The following ZNF626 variants were observed in gnomAD, a reference collection of about 807,000 sequenced individuals.
ZNF626 encodes the protein CTC-513N18.7.
A neutral mutation model predicts 11.7 loss-of-function variants in ZNF626; 4 were observed. That is an observed-to-expected ratio of 0.34 (90% CI 0.17 to 0.78). ZNF626 has a LOEUF of 0.78. Ranked by LOEUF, ZNF626 falls within the 30% of genes least tolerant of loss-of-function variation. The probability of loss-of-function intolerance (pLI) is 0.57; values close to 1 mark genes in which losing one functional copy is unlikely to be tolerated. For synonymous variants in ZNF626, 179 were observed against 198.6 expected (o/e 0.90, Z 0.83); for missense variants, 588 against 587.1 (o/e 1.00, Z -0.01).
Position 20,661,562 on chromosome 19 carries a change from A to C in ZNF626, c.-116T>G. 1 of 1,233,082 alleles carries C rather than the reference A, an allele frequency of 8.1e-7. No individual in the cohort carries two copies. Among genetic ancestry groups the C allele is most frequent in the Non-Finnish European group, 1.2e-6 (1 of 866,540 alleles). 76.4% of individuals were successfully genotyped at this position (1,233,082 alleles called of 1,614,324 possible). A position where few individuals can be genotyped will look rare whatever the true frequency, so the allele number is the denominator to read the frequency against. On this transcript the variant is annotated 5_prime_UTR_variant, in exon 1 of 4. Transcript: ENST00000601440. ...GAACCAGACCTGGAGCTCTGACTGC[A>C]GCGAGAGACAAAGGCCGCACCAAAC...
chr19:20,627,382 T>C (rs1291766848), intron 3 of ZNF626, among the ~76,000 whole-genome samples: 2 of 152,092 alleles, frequency 1.3e-5, no homozygotes, highest in East Asian at 1.9e-4. Flanking sequence ...AATATATTGT[T>C]GGATCTTTTA....
At chr19:20,634,670 A>G (rs1555770762) in intron 3 of ZNF626, among the ~76,000 whole-genome samples, 1 of 152,204 alleles carries the variant, frequency 6.6e-6, no homozygotes, top group Non-Finnish European at 1.5e-5. Context: ...AAAAAGGAGT[A>G]ATATTGTGAA....
At chr19:20,660,791 C>T (rs1432849648) in intron 1 of ZNF626, among the ~76,000 whole-genome samples, 1 of 152,144 alleles carries the variant, frequency 6.6e-6, no homozygotes, top group Non-Finnish European at 1.5e-5. Flanking sequence ...GATCAGACCG[C>T]ACAATCTAAG....
chr19:20,633,619 C>T (rs969776065), intron 3 of ZNF626, among the ~76,000 whole-genome samples: 11 of 152,102 alleles, frequency 7.2e-5, no homozygotes, highest in Admixed American at 2.0e-4. Flanking sequence ...CCTGGTGTGC[C>T]GTTTTTTAAG....
chr19:20,655,095 G>C (rs1026207268), intron 1 of ZNF626, among the ~76,000 whole-genome samples: 3 of 137,356 alleles, frequency 2.2e-5, no homozygotes, highest in Non-Finnish European at 4.6e-5. Context: ...CTCGGCAACA[G>C]AGTGAGACTG....
chr19:20,627,710 T>C (rs1348327432), intron 3 of ZNF626, among the ~76,000 whole-genome samples: 2 of 152,144 alleles, frequency 1.3e-5, no homozygotes, highest in Non-Finnish European at 2.9e-5. Context: ...AGGAGTCAGT[T>C]GAGATCTACT....
Position 20,661,559 on chromosome 19 carries a change from T to C in ZNF626, c.-113A>G. Reference sequence around the variant, plus strand: ...GAAGAACCAGACCTGGAGCTCTGACTGCAGCGAGAGACAAAGGCCGCACCA... The same window carrying C: ...GAAGAACCAGACCTGGAGCTCTGACCGCAGCGAGAGACAAAGGCCGCACCA... On this transcript the variant is annotated 5_prime_UTR_variant, in exon 1 of 4. Transcript: ENST00000601440. 7.9e-7 allele frequency: 1 copy of C among 1,262,950 alleles called. No individual in the cohort carries two copies. The highest frequency in any genetic ancestry group is 1.1e-6 in the Non-Finnish European group (1 of 892,874). 78.2% of individuals were successfully genotyped at this position (1,262,950 alleles called of 1,614,324 possible). A position where few individuals can be genotyped will look rare whatever the true frequency, so the allele number is the denominator to read the frequency against.
intron 1 of ZNF626, 77 bp from the exon 2 acceptor site, chr19:20,646,482 A>G: frequency 6.2e-7 from 1 of 1,608,226 alleles, no homozygotes; most frequent in Non-Finnish European, 8.5e-7. Flanking sequence ...GTGAAATAAG[A>G]GAGTAAAGAG....
intron 3 of ZNF626, among the ~76,000 whole-genome samples, chr19:20,629,274 T>TG (rs1969875579): frequency 6.6e-6 from 1 of 151,910 alleles, no homozygotes; most frequent in Admixed American, 6.6e-5. Context: ...GGGCTCTTTT[T>TG]GGTTTCATAT....
intron 3 of ZNF626, among the ~76,000 whole-genome samples, chr19:20,643,639 ATTTTCATATCCCC>A (rs1258076601): frequency 6.6e-6 from 1 of 152,088 alleles, no homozygotes; most frequent in Non-Finnish European, 1.5e-5. Context: ...AAAGTGCTCT[ATTTTCATATCCCC>A]TTATAGCAAA....
chr19:20,649,760 G>T (rs1970125092), intron 1 of ZNF626, among the ~76,000 whole-genome samples: 1 of 152,226 alleles, frequency 6.6e-6, no homozygotes, highest in African/African-American at 2.4e-5. Flanking sequence ...GACTCTGGAG[G>T]TTTGAAAAGG....
rs1969817312 is a variant in ZNF626, at chr19:20,625,475, G to A, written c.402C>T (p.Asn134=). The A allele has an allele frequency of 6.2e-7, 1 of 1,613,884 alleles. No homozygotes were observed. The highest frequency in any genetic ancestry group is 1.3e-5 in the African/African-American group (1 of 74,888). Reference sequence around the variant, plus strand: ...TTCTTGGGGTAGTTGTCAAACATTGGTTAAGTTCATTATAACCTTCTTTGT... The same window carrying A: ...TTCTTGGGGTAGTTGTCAAACATTGATTAAGTTCATTATAACCTTCTTTGT... ...KVHKEGYNEL[N]QCLTTTPRKI... The change falls in exon 4 of 4, where the codon AAC becomes AAT. Residue 134 remains asparagine (N), a synonymous_variant. Coordinates refer to ENST00000601440, the MANE Select transcript of ZNF626 (RefSeq NM_001076675.3).
chr19:20,645,398 A>C, intron 3 of ZNF626: 1 of 1,610,234 alleles, frequency 6.2e-7, no homozygotes, highest in Non-Finnish European at 8.5e-7. Flanking sequence ...GCAGTCTCTT[A>C]TATGTCATGA....
chr19:20,630,093 G>C (rs368339291), intron 3 of ZNF626, among the ~76,000 whole-genome samples: 1 of 152,112 alleles, frequency 6.6e-6, no homozygotes, highest in Admixed American at 6.6e-5. Context: ...ATTGATTTGC[G>C]TATGTCGAAC....
chr19:20,641,127 C>A (rs1320315440), intron 3 of ZNF626, among the ~76,000 whole-genome samples: 2 of 121,748 alleles, frequency 1.6e-5, no homozygotes, highest in Non-Finnish European at 1.6e-5. Context: ...CAGAGTGAGA[C>A]TCCATCTCAA....
chr19:20,636,560 A>T (rs189184805), intron 3 of ZNF626, among the ~76,000 whole-genome samples: 1,691 of 146,170 alleles, frequency 0.012, 31 homozygotes, highest in African/African-American at 0.04. Flanking sequence ...TTGAAGATTT[A>T]AAAAAAAAAA....
chr19:20,632,945 A>G (rs1555770510), intron 3 of ZNF626, among the ~76,000 whole-genome samples: 1 of 151,842 alleles, frequency 6.6e-6, no homozygotes, highest in African/African-American at 2.4e-5. Context: ...GATGATGGTG[A>G]TGTACAGATG....
At chr19:20,649,449 A>C (rs782472158) in intron 1 of ZNF626, among the ~76,000 whole-genome samples, 8 of 152,150 alleles carry the variant, frequency 5.3e-5, no homozygotes, top group Admixed American at 5.2e-4. Context: ...TACCAAACGC[A>C]AACAGAACAG....
intron 3 of ZNF626, among the ~76,000 whole-genome samples, chr19:20,631,326 C>T (rs1366044346): frequency 2.0e-5 from 3 of 152,048 alleles, no homozygotes; most frequent in East Asian, 1.9e-4. Flanking sequence ...TCCTGGGTAT[C>T]CTTGTTAACT....
Sources: allele counts gnomAD v4.1 joint callset (sites outside exome capture counted in the v4.1 genomes callset), GRCh38; gene constraint gnomAD v4.1.1; transcripts MANE v1.5; gene names NCBI Gene and HGNC (gene_info 2026-07-23, HGNC 2026-07-21).